The following QRICH1 variants were observed in gnomAD, a reference collection of about 807,000 sequenced individuals.
QRICH1 encodes transcriptional regulator QRICH1.
In QRICH1, 16 loss-of-function variants were observed where a neutral mutation model predicts 87.1. That is an observed-to-expected ratio of 0.18 (90% CI 0.12 to 0.28). The LOEUF is 0.28. QRICH1 is among the 10% of genes least tolerant of loss of function. The pLI is 1.00. For missense variants in QRICH1, 647 were observed against 951.7 expected (o/e 0.68, Z 4.21); for synonymous variants, 367 against 368.4 (o/e 1.00, Z 0.05).
At chr3:49,043,213 T>C (rs1047215677) in intron 6 of QRICH1, among the ~76,000 whole-genome samples, 6 of 152,184 alleles carry the variant, frequency 3.9e-5, no homozygotes, top group African/African-American at 7.2e-5. Flanking sequence ...ATAAAGTCTA[T>C]TGGCTGGCCG....
At chr3:49,034,652 G>C (rs2093263732) in intron 6 of QRICH1, among the ~76,000 whole-genome samples, 1 of 151,646 alleles carries the variant, frequency 6.6e-6, no homozygotes, top group African/African-American at 2.4e-5. Flanking sequence ...CCCCCCCACA[G>C]GGCTGGTGTT....
At chr3:49,077,118 G>A in intron 1 of QRICH1, 80 bp from the exon 2 acceptor site, 1 of 937,450 alleles carries the variant, frequency 1.1e-6, no homozygotes, top group Non-Finnish European at 1.5e-6. Flanking sequence ...GCACAAGAGT[G>A]GAATATATTC....
chr3:49,032,346 T>A (rs1014474042), intron 8 of QRICH1, 73 bp from the exon 9 acceptor site: 1 of 1,236,946 alleles, frequency 8.1e-7, no homozygotes. Context: ...ATCAGGAAAC[T>A]TAGGCTTTCA....
chr3:49,046,016 A>T (rs2093337317), intron 5 of QRICH1, among the ~76,000 whole-genome samples: 1 of 151,706 alleles, frequency 6.6e-6, no homozygotes, highest in African/African-American at 2.4e-5. Flanking sequence ...CCCGGGTTCA[A>T]GCGATTCTCA....
intron 1 of QRICH1, among the ~76,000 whole-genome samples, chr3:49,091,910 C>T (rs976747198): frequency 6.6e-6 from 1 of 151,874 alleles, no homozygotes; most frequent in Non-Finnish European, 1.5e-5. Context: ...GTCTATACTA[C>T]AAATACAAAA....
intron 5 of QRICH1, 125 bp from the exon 6 acceptor site, chr3:49,044,629 G>A: frequency 1.6e-6 from 1 of 627,488 alleles, no homozygotes; most frequent in South Asian, 2.0e-5. Flanking sequence ...AACAAACCAA[G>A]GCACCAGCAT....
rs181165388 is a variant in QRICH1, at chr3:49,030,448, C to G, written c.*4G>C. 1 of 1,612,242 alleles carries G rather than the reference C, an allele frequency of 6.2e-7. No individual in the cohort carries two copies. Among genetic ancestry groups the G allele is most frequent in the African/African-American group, 1.3e-5 (1 of 74,842 alleles). ...GGTTTCTCTTGTGCCATGGCCAAGGCATCTCAGTGCATAGTGCTTGCATTG... is the reference window on the plus strand; with the variant it reads ...GGTTTCTCTTGTGCCATGGCCAAGGGATCTCAGTGCATAGTGCTTGCATTG... On this transcript the variant is annotated 3_prime_UTR_variant, in exon 10 of 10. Coordinates refer to ENST00000395443, the MANE Select transcript of QRICH1 (RefSeq NM_198880.3).
At chr3:49,034,221 T>A (rs574975599) in intron 6 of QRICH1, among the ~76,000 whole-genome samples, 3 of 151,634 alleles carry the variant, frequency 2.0e-5, no homozygotes, top group African/African-American at 7.3e-5. Flanking sequence ...GGTGGGAGAA[T>A]TGTTTGAGCC....
At chr3:49,091,192 C>A (rs1217853910) in intron 1 of QRICH1, among the ~76,000 whole-genome samples, 1 of 152,156 alleles carries the variant, frequency 6.6e-6, no homozygotes, top group East Asian at 1.9e-4. Context: ...CACAGCACTC[C>A]AGCCCGGGCA....
intron 1 of QRICH1, among the ~76,000 whole-genome samples, chr3:49,091,042 A>G (rs1000764015): frequency 6.6e-6 from 1 of 152,032 alleles, no homozygotes; most frequent in Admixed American, 6.6e-5. Flanking sequence ...CTAACAGAGT[A>G]AAACCCCGTT....
chr3:49,061,189 G>A (rs1232908807), intron 2 of QRICH1, among the ~76,000 whole-genome samples: 1 of 138,704 alleles, frequency 7.2e-6, no homozygotes, highest in Non-Finnish European at 1.5e-5. Context: ...ATGATGTGAG[G>A]TGAAACAGTT....
At chr3:49,035,141 A>G (rs2093267176) in intron 6 of QRICH1, among the ~76,000 whole-genome samples, 1 of 152,170 alleles carries the variant, frequency 6.6e-6, no homozygotes, top group Admixed American at 6.5e-5. Flanking sequence ...GATGAGCAGA[A>G]AACAGCCCTT....
chr3:49,030,450 T>C lies in QRICH1; in HGVS notation c.*2A>G. On this transcript the variant is annotated 3_prime_UTR_variant, in exon 10 of 10. Coordinates refer to ENST00000395443, the MANE Select transcript of QRICH1 (RefSeq NM_198880.3). Reference sequence around the variant, plus strand: ...TTTCTCTTGTGCCATGGCCAAGGCATCTCAGTGCATAGTGCTTGCATTGGC... The same window carrying C: ...TTTCTCTTGTGCCATGGCCAAGGCACCTCAGTGCATAGTGCTTGCATTGGC... 6.2e-7 allele frequency: 1 copy of C among 1,612,690 alleles called. No individual in the cohort carries two copies. The highest frequency in any genetic ancestry group is 1.1e-5 in the South Asian group (1 of 90,998).
At chr3:49,079,392 A>C (rs901554117) in intron 1 of QRICH1, among the ~76,000 whole-genome samples, 3 of 149,886 alleles carry the variant, frequency 2.0e-5, no homozygotes, top group African/African-American at 7.3e-5. Context: ...CTGTTAAAAG[A>C]AATAAATAAA....
chr3:49,060,048 CTGA>C (rs2106916342), intron 2 of QRICH1, among the ~76,000 whole-genome samples: 1 of 151,808 alleles, frequency 6.6e-6, no homozygotes, highest in African/African-American at 2.4e-5. Flanking sequence ...CCACGCCCGG[CTGA>C]TTTTTTTATT....
chr3:49,068,026 C>A (rs1379386461), intron 2 of QRICH1, among the ~76,000 whole-genome samples: 1 of 151,910 alleles, frequency 6.6e-6, no homozygotes, highest in East Asian at 1.9e-4. Context: ...ACTCTCAACA[C>A]CTTTTTTAAA....
intron 2 of QRICH1, among the ~76,000 whole-genome samples, chr3:49,059,369 C>T (rs2093421671): frequency 6.6e-6 from 1 of 151,876 alleles, no homozygotes; most frequent in South Asian, 2.1e-4. Flanking sequence ...GATCCTCCCA[C>T]CTCAGCCTGC....
At chr3:49,094,240 T>C (rs1348644256), upstream of QRICH1, 4 of 381,252 alleles carry the variant, frequency 1.0e-5, no homozygotes, top group African/African-American at 6.2e-5. Context: ...GCTCCGCCCA[T>C]GGACGCCTCT....
intron 2 of QRICH1, among the ~76,000 whole-genome samples, chr3:49,063,913 C>T (rs1461189943): frequency 6.6e-6 from 1 of 151,956 alleles, no homozygotes; most frequent in African/African-American, 2.4e-5. Flanking sequence ...TTTTTTAATT[C>T]TTTTTTTATT....
Sources: gnomAD v4.1 joint callset for allele counts (sites outside exome capture counted in the v4.1 genomes callset) on GRCh38, gnomAD v4.1.1 for gene constraint, MANE v1.5 for transcripts, NCBI Gene and HGNC (gene_info 2026-07-23, HGNC 2026-07-21) for gene names.